The following AUTS2 variants were observed in gnomAD, a reference collection of about 807,000 sequenced individuals.
AUTS2 encodes autism susceptibility gene 2 protein.
AUTS2 carries 17 observed loss-of-function variants against 112.4 expected under a neutral mutation model. The observed-to-expected ratio is 0.15, with a 90% confidence interval of 0.10 to 0.23. AUTS2 has a LOEUF of 0.23. Ranked by LOEUF, AUTS2 falls within the 10% of genes least tolerant of loss-of-function variation. The probability of loss-of-function intolerance (pLI) is 1.00; values close to 1 mark genes in which losing one functional copy is unlikely to be tolerated. For missense variants in AUTS2, 1,510 were observed against 1,701.6 expected, an observed-to-expected ratio of 0.89 and a Z score of 1.98; for synonymous variants, 751 against 702.7, an observed-to-expected ratio of 1.07 and a Z score of -1.09.
At chr7:69,602,588 A>T (rs1211193372) in intron 1 of AUTS2, among the ~76,000 whole-genome samples, 1 of 152,192 alleles carries the variant, frequency 6.6e-6, no homozygotes, top group African/African-American at 2.4e-5. Context: ...ACACAGAAAT[A>T]CTTCTGTATG....
intron 3 of AUTS2, among the ~76,000 whole-genome samples, chr7:70,130,528 GA>G (rs1054750827): frequency 2.9e-4 from 44 of 152,226 alleles, no homozygotes; most frequent in African/African-American, 1.0e-3. Flanking sequence ...CTCCCTCCTG[GA>G]AAATGTCTTT....
At chr7:70,030,193 C>T (rs185697994) in intron 2 of AUTS2, among the ~76,000 whole-genome samples, 37 of 152,286 alleles carry the variant, frequency 2.4e-4, no homozygotes, top group Admixed American at 4.6e-4. Context: ...TCCCTATCTG[C>T]ATCACGTGAC....
chr7:70,140,613 T>G (rs1322851387), intron 4 of AUTS2, among the ~76,000 whole-genome samples: 3 of 152,208 alleles, frequency 2.0e-5, no homozygotes, highest in African/African-American at 7.2e-5. Flanking sequence ...CATCACCTGT[T>G]AAGTACTTAT....
chr7:70,458,459 G>C (rs1229671148), intron 5 of AUTS2, among the ~76,000 whole-genome samples: 1 of 152,168 alleles, frequency 6.6e-6, no homozygotes, highest in Non-Finnish European at 1.5e-5. Flanking sequence ...CTTGTTAGCT[G>C]ATAGATGAAA....
intron 6 of AUTS2, among the ~76,000 whole-genome samples, chr7:70,734,969 T>G (rs1377232217): frequency 1.3e-5 from 2 of 151,928 alleles, no homozygotes; most frequent in African/African-American, 2.4e-5. Flanking sequence ...TTATAAGCTT[T>G]CAACCCAAGG....
chr7:69,878,923 T>C (rs1429936189), intron 1 of AUTS2, among the ~76,000 whole-genome samples: 6 of 152,176 alleles, frequency 3.9e-5, no homozygotes, highest in African/African-American at 1.4e-4. Flanking sequence ...TTGCTGAGGC[T>C]CTTTCTGTGT....
chr7:70,005,220 G>A (rs1205809878), intron 2 of AUTS2, among the ~76,000 whole-genome samples: 2 of 151,924 alleles, frequency 1.3e-5, no homozygotes, highest in South Asian at 2.1e-4. Flanking sequence ...CTTATGGAAC[G>A]TTGATTGAAC....
chr7:69,945,519 A>G (rs534829262), intron 2 of AUTS2, among the ~76,000 whole-genome samples: 2 of 152,216 alleles, frequency 1.3e-5, no homozygotes, highest in South Asian at 2.1e-4. Flanking sequence ...GATTTGATAT[A>G]TGTATATATT....
intron 4 of AUTS2, among the ~76,000 whole-genome samples, chr7:70,136,622 T>G (rs775379701): frequency 6.6e-6 from 1 of 152,224 alleles, no homozygotes; most frequent in Admixed American, 6.6e-5. Context: ...AATAGCTTTT[T>G]ACTTAAGCCT....
intron 1 of AUTS2, among the ~76,000 whole-genome samples, chr7:69,671,141 G>A (rs764408709): frequency 3.3e-5 from 5 of 152,164 alleles, no homozygotes. Context: ...TAAGCAGTGT[G>A]GCTGCCCATT....
intron 1 of AUTS2, among the ~76,000 whole-genome samples, chr7:69,881,873 C>A (rs1471017206): frequency 6.6e-6 from 1 of 152,086 alleles, no homozygotes; most frequent in East Asian, 1.9e-4. Context: ...CCAAGTGGAC[C>A]AGGCGTGGTG....
intron 1 of AUTS2, among the ~76,000 whole-genome samples, chr7:69,714,984 C>G (rs1397122107): frequency 6.6e-6 from 1 of 151,664 alleles, no homozygotes; most frequent in East Asian, 1.9e-4. Context: ...TAGTGCTGTT[C>G]TTAAGACATG....
At chr7:70,639,754 A>T (rs1363501806) in intron 5 of AUTS2, among the ~76,000 whole-genome samples, 1 of 151,028 alleles carries the variant, frequency 6.6e-6, no homozygotes, top group East Asian at 1.9e-4. Context: ...ACCAGAAGGG[A>T]GTAAACCCCT....
At chr7:70,279,655 C>T (rs1444573566) in intron 4 of AUTS2, among the ~76,000 whole-genome samples, 3 of 152,182 alleles carry the variant, frequency 2.0e-5, no homozygotes, top group African/African-American at 7.2e-5. Context: ...CAAGTCTACA[C>T]TAAAATTACG....
intron 2 of AUTS2, among the ~76,000 whole-genome samples, chr7:70,037,095 C>T (rs1360201250): frequency 2.0e-5 from 3 of 151,926 alleles, no homozygotes; most frequent in Non-Finnish European, 2.9e-5. Context: ...TCTGCCACAA[C>T]GTGGGTGAGC....
chr7:69,985,229 A>T (rs1197128060), intron 2 of AUTS2, among the ~76,000 whole-genome samples: 1 of 114,022 alleles, frequency 8.8e-6, no homozygotes, highest in Non-Finnish European at 2.0e-5. Flanking sequence ...AGACTCTCTA[A>T]AAAAAAAAAA....
At chr7:70,235,338 A>G (rs1051551057) in intron 4 of AUTS2, among the ~76,000 whole-genome samples, 4 of 151,786 alleles carry the variant, frequency 2.6e-5, no homozygotes, top group East Asian at 3.9e-4. Context: ...GGATCTGACT[A>G]TATTGCCCAG....
chr7:70,265,424 A>G (rs1787370569), intron 4 of AUTS2, among the ~76,000 whole-genome samples: 1 of 152,202 alleles, frequency 6.6e-6, no homozygotes, highest in Non-Finnish European at 1.5e-5. Flanking sequence ...CTTAATAAAA[A>G]TGAGTAATAT....
intron 2 of AUTS2, among the ~76,000 whole-genome samples, chr7:70,004,170 A>ATTAT (rs1418809654): frequency 0.012 from 873 of 74,964 alleles, 44 homozygotes; most frequent in African/African-American, 0.024. Context: ...GAATATATAT[A>ATTAT]ATATGAATGT....
Sources: allele counts gnomAD v4.1 joint callset (sites outside exome capture counted in the v4.1 genomes callset), GRCh38; gene constraint gnomAD v4.1.1; transcripts MANE v1.5; gene names NCBI Gene and HGNC (gene_info 2026-07-23, HGNC 2026-07-21).